The following PPP2R3C variants were observed in gnomAD, a reference collection of about 807,000 sequenced individuals.
PPP2R3C encodes the protein serine/threonine-protein phosphatase 2A regulatory subunit B'' subunit gamma.
A neutral mutation model predicts 63.7 loss-of-function variants in PPP2R3C; 47 were observed. That is an observed-to-expected ratio of 0.74 (90% CI 0.58 to 0.94). PPP2R3C has a LOEUF of 0.94. PPP2R3C is among the 40% of genes least tolerant of loss of function. The pLI is 0.00. For synonymous variants in PPP2R3C, 180 were observed against 177.4 expected (o/e 1.01, Z -0.12); for missense variants, 421 against 518.4 (o/e 0.81, Z 1.82).
chr14:35,112,695 G>T (rs1055045443), intron 2 of PPP2R3C, among the ~76,000 whole-genome samples: 1 of 152,112 alleles, frequency 6.6e-6, no homozygotes, highest in Non-Finnish European at 1.5e-5. Flanking sequence ...AACATGCCTC[G>T]TTATACCTCT....
chr14:35,097,369 A>T (rs2138638176), intron 7 of PPP2R3C, among the ~76,000 whole-genome samples: 1 of 152,336 alleles, frequency 6.6e-6, no homozygotes, highest in Non-Finnish European at 1.5e-5. Context: ...TACTGCTGGT[A>T]CACGAACAGG....
chr14:35,116,028 G>A (rs1197078511), intron 2 of PPP2R3C, among the ~76,000 whole-genome samples: 1 of 151,910 alleles, frequency 6.6e-6, no homozygotes, highest in African/African-American at 2.4e-5. Flanking sequence ...TAATCCAATA[G>A]AATACTTACT....
intron 2 of PPP2R3C, among the ~76,000 whole-genome samples, chr14:35,114,543 G>T (rs2046653404): frequency 6.6e-6 from 1 of 152,094 alleles, no homozygotes; most frequent in Non-Finnish European, 1.5e-5. Flanking sequence ...AAGGTAATAG[G>T]TTCAAGGAAC....
At chr14:35,105,192 C>CTT (rs1023808599) in intron 6 of PPP2R3C, among the ~76,000 whole-genome samples, 1 of 145,066 alleles carries the variant, frequency 6.9e-6, no homozygotes, top group Non-Finnish European at 1.5e-5. Flanking sequence ...CTTTAAAAGG[C>CTT]TTTTTTTTTT....
At chr14:35,109,214 G>A (rs1000137131) in intron 4 of PPP2R3C, among the ~76,000 whole-genome samples, 2 of 151,654 alleles carry the variant, frequency 1.3e-5, no homozygotes, top group African/African-American at 4.8e-5. Context: ...ACGCCACCAC[G>A]CCCAGCTAAT....
At chr14:35,110,096 C>T (rs996691008) in intron 3 of PPP2R3C, 165 bp from the exon 4 acceptor site, 20 of 558,882 alleles carry the variant, frequency 3.6e-5, no homozygotes, top group Non-Finnish European at 5.9e-5. Context: ...ATAAAAATAA[C>T]ATTTATTGAG....
intron 9 of PPP2R3C, 34 bp from the exon 10 acceptor site, chr14:35,095,218 C>T (rs1276330448): frequency 6.3e-7 from 1 of 1,584,262 alleles, no homozygotes; most frequent in Non-Finnish European, 8.6e-7. Flanking sequence ...CACTTATGAC[C>T]ACAATAAAAT....
chr14:35,101,893 A>ATGGGC (rs1422856619), intron 6 of PPP2R3C: 1 of 152,138 alleles, frequency 6.6e-6, no homozygotes, highest in African/African-American at 2.4e-5. Flanking sequence ...TTACTTTAAC[A>ATGGGC]TGGGCTTTGC....
chr14:35,104,513 C>T (rs1226072033), intron 6 of PPP2R3C, among the ~76,000 whole-genome samples: 1 of 152,106 alleles, frequency 6.6e-6, no homozygotes, highest in Non-Finnish European at 1.5e-5. Flanking sequence ...AAAAAAAGCA[C>T]TGTATATTTG....
Position 35,085,758 on chromosome 14 carries a change from T to TA in PPP2R3C, c.1193dup (p.Pro400ThrfsTer16), listed in dbSNP as rs754424126. Reference sequence around the variant, plus strand: ...AGATTTTCAAAGGATCCTTTGGTTTTACCATGTCAAAGATTTCATCCTGCA... The same window carrying TA: ...AGATTTTCAAAGGATCCTTTGGTTTTAACCATGTCAAAGATTTCATCCTGCA... On this transcript the variant is annotated frameshift_variant, in exon 13 of 13. Transcript: ENST00000261475. LOFTEE classifies it high-confidence loss of function. 1 of 1,603,298 alleles carries TA rather than the reference T, an allele frequency of 6.2e-7. No individual in the cohort carries two copies. The highest frequency in any genetic ancestry group is 2.2e-5 in the East Asian group (1 of 44,828).
chr14:35,117,854 C>G (rs2046753041), intron 1 of PPP2R3C, among the ~76,000 whole-genome samples: 1 of 152,088 alleles, frequency 6.6e-6, no homozygotes, highest in African/African-American at 2.4e-5. Context: ...GCCACCACGC[C>G]TGGCTAATTT....
intron 1 of PPP2R3C, among the ~76,000 whole-genome samples, chr14:35,119,517 A>G (rs796559680): frequency 2.7e-5 from 4 of 150,304 alleles, no homozygotes; most frequent in East Asian, 2.0e-4. Flanking sequence ...TTTACTTTCT[A>G]TTTTTGTAGA....
At position 35,104,834 on chromosome 14, in the gene PPP2R3C, C is replaced by T. The variant is rs772322203; in HGVS notation, c.573+2470G>A. Among the ~76,000 whole-genome samples the T allele has an allele frequency of 7.2e-5, 11 of 151,740 alleles. 1 individual carries two copies. The highest frequency in any genetic ancestry group is 5.9e-4 in the Admixed American group (9 of 15,218). On this transcript the variant is annotated intron_variant, in intron 6 of 12. Transcript: ENST00000261475. ...ACTGCAACTGCCTCTTGGGTTCAAG[C>T]GATTCTCCTGCCTCAGCCACTCTAG...
chr14:35,118,565 C>A (rs2046771073), intron 1 of PPP2R3C, among the ~76,000 whole-genome samples: 1 of 151,766 alleles, frequency 6.6e-6, no homozygotes, highest in South Asian at 2.1e-4. Context: ...ACAAAACAGG[C>A]ATGCAATAAA....
chr14:35,085,636 A>G lies in PPP2R3C; in HGVS notation c.1316T>C (p.Leu439Pro). Reference protein sequence around the residue: ...GFWTYENREALVANDSENSAD... With the variant: ...GFWTYENREAPVANDSENSAD... ...AGAGTTTTCACTGTCATTTGCAACA[A>G]GAGCCTCTCTGTTCTCGTAAGTCCA... Residue 439 changes from leucine (L) to proline (P), a missense_variant, in exon 13 of 13, where the codon CTT (leucine) becomes CCT (proline). Transcript: ENST00000261475. 6.2e-7 allele frequency: 1 copy of G among 1,613,286 alleles called. No individual in the cohort carries two copies. The highest frequency in any genetic ancestry group is 1.1e-5 in the South Asian group (1 of 90,848).
chr14:35,108,859 C>G (rs2046449227), intron 4 of PPP2R3C, among the ~76,000 whole-genome samples: 1 of 151,924 alleles, frequency 6.6e-6, no homozygotes. Context: ...ATCCACCTGC[C>G]TTGGCCTCCC....
At chr14:35,093,652 TC>T (rs2045905137) in intron 10 of PPP2R3C, among the ~76,000 whole-genome samples, 1 of 151,940 alleles carries the variant, frequency 6.6e-6, no homozygotes, top group Non-Finnish European at 1.5e-5. Flanking sequence ...TTTATCAGAT[TC>T]TTTTTTTTTT....
At chr14:35,119,271 C>T (rs958186418) in intron 1 of PPP2R3C, among the ~76,000 whole-genome samples, 1 of 152,122 alleles carries the variant, frequency 6.6e-6, no homozygotes, top group African/African-American at 2.4e-5. Flanking sequence ...CTCCTGACCT[C>T]AAGTGATCTG....
chr14:35,094,028 T>G lies in PPP2R3C; in HGVS notation c.975+1020A>C, dbSNP rs1011060217. ...GTTATAATAAAAAGACAAGTGCATG[T>G]TATCTTCAGCTGTTCATATAGCCAC... On this transcript the variant is annotated intron_variant, in intron 10 of 12. Transcript: ENST00000261475. Among the ~76,000 whole-genome samples, 13 of 152,352 alleles carry G rather than the reference T, an allele frequency of 8.5e-5. No individual in the cohort carries two copies. The East Asian group carries it at 2.5e-3, about 29-fold the overall frequency.
Sources: gnomAD v4.1 joint callset for allele counts (sites outside exome capture counted in the v4.1 genomes callset) on GRCh38, gnomAD v4.1.1 for gene constraint, MANE v1.5 for transcripts, NCBI Gene and HGNC (gene_info 2026-07-23, HGNC 2026-07-21) for gene names.